GLIPR1: variants seen among roughly 807,000 people sequenced by gnomAD.
The protein encoded by GLIPR1 is glioma pathogenesis-related protein 1.
A neutral mutation model predicts 30.3 loss-of-function variants in GLIPR1; 38 were observed. The observed-to-expected ratio is 1.26, with a 90% CI of 0.97 to 1.65. GLIPR1 has a LOEUF of 1.65. Among genes scored for constraint, GLIPR1 ranks in the 40% most tolerant of loss-of-function variants. The probability of loss-of-function intolerance (pLI) is 0.00; values close to 1 mark genes in which losing one functional copy is unlikely to be tolerated. For missense variants in GLIPR1, 285 were observed against 326.5 expected (o/e 0.87, Z 0.98); for synonymous variants, 122 against 110.6 (o/e 1.10, Z -0.65).
intron 2 of GLIPR1, among the ~76,000 whole-genome samples, chr12:75,490,052 G>C (rs551807873): frequency 4.6e-5 from 7 of 152,100 alleles, no homozygotes; most frequent in African/African-American, 1.7e-4. Flanking sequence ...TGTTTGTCCT[G>C]AGTGCTGCAT....
chr12:75,492,968 A>T (rs1346373543), intron 3 of GLIPR1: 1 of 152,216 alleles, frequency 6.6e-6, no homozygotes, highest in Non-Finnish European at 1.5e-5. Context: ...ATGAAGAATG[A>T]GAAGGAATCA....
intron 2 of GLIPR1, chr12:75,484,214 C>A (rs936871745): frequency 6.6e-6 from 1 of 152,216 alleles, no homozygotes; most frequent in Non-Finnish European, 1.5e-5. Flanking sequence ...ATTCTACCCC[C>A]ACTTCAGAAG....
At position 75,499,043 on chromosome 12, in the gene GLIPR1, A is replaced by G. The variant is rs532518156; in HGVS notation, c.*65A>G. 2 of 1,047,148 alleles carry G rather than the reference A, an allele frequency of 1.9e-6. No individual in the cohort carries two copies. The highest frequency in any genetic ancestry group is 1.6e-5 in the African/African-American group (1 of 61,768). 64.9% of individuals were successfully genotyped at this position (1,047,148 alleles called of 1,614,324 possible). ...TCACATATGGCTTTTTTTTTAACCA[A>G]TAACAATTAGGTGTACTTCTATTTT... On this transcript the variant is annotated 3_prime_UTR_variant, in exon 6 of 6. Transcript: ENST00000266659.
intron 2 of GLIPR1, among the ~76,000 whole-genome samples, 171 bp from the exon 3 acceptor site, chr12:75,490,229 ACACACC>A (rs1231155350): frequency 5.1e-5 from 7 of 137,254 alleles, no homozygotes; most frequent in African/African-American, 1.9e-4. Flanking sequence ...ACACACACAC[ACACACC>A]CCAATAATGG....
At chr12:75,494,199 T>C (rs2046337845) in intron 3 of GLIPR1, 1 of 152,216 alleles carries the variant, frequency 6.6e-6, no homozygotes, top group African/African-American at 2.4e-5. Flanking sequence ...GTTGTGTGTC[T>C]AAGGTGAGAG....
chr12:75,490,912 A>C (rs2046320265), intron 3 of GLIPR1: 1 of 156,460 alleles, frequency 6.4e-6, no homozygotes, highest in South Asian at 1.9e-4. Flanking sequence ...CAATTTTCAA[A>C]GCAAAACAGA....
At chr12:75,489,460 T>G (rs535054853) in intron 2 of GLIPR1, among the ~76,000 whole-genome samples, 1 of 152,194 alleles carries the variant, frequency 6.6e-6, no homozygotes, top group Non-Finnish European at 1.5e-5. Flanking sequence ...CCCTGTCCTC[T>G]GGACTGCAGC....
chr12:75,501,837 T>C lies in GLIPR1; in HGVS notation c.*2859T>C. 1 of 1,574,014 alleles carries C rather than the reference T, an allele frequency of 6.4e-7. No individual in the cohort carries two copies. The highest frequency in any genetic ancestry group is 1.4e-5 in the African/African-American group (1 of 73,442). The stretch of plus-strand genomic sequence containing the variant: ...TTAGCCTACATTAATAAATAAAAAA[T>C]ATATCAGTTAAATGTATTTATAGTT... On this transcript the variant is annotated 3_prime_UTR_variant, in exon 6 of 6. Transcript: ENST00000266659.
At chr12:75,487,901 G>A (rs2046301027) in intron 2 of GLIPR1, 9 of 350,132 alleles carry the variant, frequency 2.6e-5, no homozygotes, top group South Asian at 1.9e-4. Flanking sequence ...AGGGCTGCTG[G>A]TTGCCCATTT....
Position 75,501,511 on chromosome 12 carries a change from G to A in GLIPR1, c.*2533G>A. On this transcript the variant is annotated 3_prime_UTR_variant, in exon 6 of 6. Coordinates refer to ENST00000266659, the MANE Select transcript of GLIPR1 (RefSeq NM_006851.3). Reference sequence around the variant, plus strand: ...CAAGCACAGACCAGAGGTCAGGAGAGGACTGTCAATCCAGTTTGCACTGAA... The same window carrying A: ...CAAGCACAGACCAGAGGTCAGGAGAAGACTGTCAATCCAGTTTGCACTGAA... 3.8e-6 allele frequency: 2 copies of A among 522,258 alleles called. No homozygotes were observed. Among genetic ancestry groups the A allele is most frequent in the South Asian group, 5.2e-5 (2 of 38,824 alleles). 32.4% of individuals were successfully genotyped at this position (522,258 alleles called of 1,614,324 possible). A position where few individuals can be genotyped will look rare whatever the true frequency, so the allele number is the denominator to read the frequency against.
At chr12:75,487,982 A>G (rs942867146) in intron 2 of GLIPR1, among the ~76,000 whole-genome samples, 2 of 152,180 alleles carry the variant, frequency 1.3e-5, no homozygotes, top group African/African-American at 4.8e-5. Flanking sequence ...TAGACGATAC[A>G]GGGTAACTTC....
At position 75,499,710 on chromosome 12, in the gene GLIPR1, A is replaced by C; in HGVS notation, c.*732A>C. ...CAACCACCACCACCAAAAAAAAAAA[A>C]AGCCCTCAGAAAATTTCTCACAAAT... is the stretch of plus-strand genomic sequence containing the variant. On this transcript the variant is annotated 3_prime_UTR_variant, in exon 6 of 6. Coordinates refer to ENST00000266659, the MANE Select transcript of GLIPR1 (RefSeq NM_006851.3). The C allele has an allele frequency of 2.5e-6, 2 of 791,696 alleles. No homozygotes were observed. The highest frequency in any genetic ancestry group is 2.3e-5 in the South Asian group (1 of 43,436). 49.0% of individuals were successfully genotyped at this position (791,696 alleles called of 1,614,324 possible).
rs1367518460 is a variant in GLIPR1 at position 75,501,625 on chromosome 12, T to A, written c.*2647T>A. The A allele has an allele frequency of 1.3e-6, 1 of 763,160 alleles. No individual in the cohort carries two copies. The highest frequency in any genetic ancestry group is 1.7e-5 in the South Asian group (1 of 57,992). 47.3% of individuals were successfully genotyped at this position (763,160 alleles called of 1,614,324 possible). A position where few individuals can be genotyped will look rare whatever the true frequency, so the allele number is the denominator to read the frequency against. Reference sequence around the variant, plus strand: ...ATTAATGAAATGCTAAGAGAACTGATGAAAAGATACAACTGTTTCTTAAAA... The same window carrying A: ...ATTAATGAAATGCTAAGAGAACTGAAGAAAAGATACAACTGTTTCTTAAAA... On this transcript the variant is annotated 3_prime_UTR_variant, in exon 6 of 6. Transcript: ENST00000266659.
At chr12:75,482,201 A>G in intron 2 of GLIPR1, 122 bp downstream of exon 2, 2 of 846,978 alleles carry the variant, frequency 2.4e-6, no homozygotes, top group Non-Finnish European at 3.7e-6. Flanking sequence ...GGAGTTAAAT[A>G]GAACAGCCTC....
chr12:75,483,107 A>G (rs1379636196), intron 2 of GLIPR1, among the ~76,000 whole-genome samples: 1 of 152,206 alleles, frequency 6.6e-6, no homozygotes, highest in Non-Finnish European at 1.5e-5. Context: ...CAGATGAACC[A>G]AGTTTGGTGC....
At chr12:75,485,696 G>A (rs925732733) in intron 2 of GLIPR1, among the ~76,000 whole-genome samples, 8 of 150,586 alleles carry the variant, frequency 5.3e-5, no homozygotes, top group Non-Finnish European at 8.9e-5. Flanking sequence ...GACTACAGGC[G>A]CCCGCCACTA....
intron 3 of GLIPR1, 63 bp downstream of exon 3, chr12:75,490,581 AAC>A (rs150016880): frequency 0.048 from 11,197 of 235,192 alleles, 3,269 homozygotes; most frequent in African/African-American, 0.24. Flanking sequence ...AAAAAACAAC[AAC>A]AAAAAAAAAC....
intron 4 of GLIPR1, chr12:75,495,997 GTTTTTTTTTTTGT>G (rs1274383068): frequency 7.6e-6 from 1 of 131,210 alleles, no homozygotes; most frequent in East Asian, 2.2e-4. Flanking sequence ...TTCTGTTTTC[GTTTTTTTTTTTGT>G]TTTTTTTTTT....
rs1234095926 is a variant in GLIPR1, at chr12:75,481,872, GGCCAGCA to G, written c.214_220del (p.Ala72IlefsTer10). 2.5e-6 allele frequency: 4 copies of G among 1,614,014 alleles called. No individual in the cohort carries two copies. The highest frequency in any genetic ancestry group is 2.5e-6 in the Non-Finnish European group (3 of 1,179,926). On this transcript the variant is annotated frameshift_variant, in exon 2 of 6. Coordinates refer to ENST00000266659, the MANE Select transcript of GLIPR1 (RefSeq NM_006851.3). LOFTEE classifies it high-confidence loss of function. ...CACTAGCCCAAATTGCAAAAGCATGGGCCAGCAATTGCCAGTTTTCACATAATACACG... is the reference window on the plus strand; with the variant it reads ...CACTAGCCCAAATTGCAAAAGCATGGATTGCCAGTTTTCACATAATACACG...
Sources: allele counts gnomAD v4.1 joint callset (sites outside exome capture counted in the v4.1 genomes callset), GRCh38; gene constraint gnomAD v4.1.1; transcripts MANE v1.5; gene names NCBI Gene and HGNC (gene_info 2026-07-23, HGNC 2026-07-21).